Variants in CAP2 observed in about 807,000 individuals in gnomAD.
CAP2 encodes adenylyl cyclase-associated protein 2.
A neutral mutation model predicts 57.7 loss-of-function variants in CAP2; 24 were observed. The ratio of observed to expected loss-of-function variants is 0.42; its 90% CI spans 0.30 to 0.58. CAP2 has a LOEUF of 0.58. Ranked by LOEUF, CAP2 falls within the 20% of genes least tolerant of loss-of-function variation. The pLI is 0.22. For missense variants in CAP2, 501 were observed against 590.3 expected (o/e 0.85, Z 1.57); for synonymous variants, 194 against 207.2 (o/e 0.94, Z 0.55).
intron 3 of CAP2, among the ~76,000 whole-genome samples, chr6:17,452,669 A>G (rs1202632578): frequency 6.6e-6 from 1 of 152,238 alleles, no homozygotes; most frequent in Non-Finnish European, 1.5e-5. Flanking sequence ...TGTAGTTAGT[A>G]TAAGCATCTT....
At position 17,513,070 on chromosome 6, in the gene CAP2, G is replaced by C. The variant is rs899056829; in HGVS notation, c.531-779G>C. On this transcript the variant is annotated intron_variant, in intron 6 of 12. Transcript: ENST00000229922. This position sits in a 1 kb window ranked among gnomAD's most constrained non-coding sequence, Gnocchi z 4.3. The stretch of plus-strand genomic sequence containing the variant: ...AAATATATTATAGGTAAAAATTGCC[G>C]AAAGGAAATGCAACTATTTTTACCT... 6.6e-6 allele frequency among the ~76,000 whole-genome samples: 1 copy of C among 152,062 alleles called. No homozygotes were observed. The highest frequency in any genetic ancestry group is 1.9e-4 in the East Asian group (1 of 5,186).
intron 1 of CAP2, among the ~76,000 whole-genome samples, chr6:17,416,426 TATACCTCCTGGCTCAG>T (rs1759277320): frequency 6.6e-6 from 1 of 152,176 alleles, no homozygotes; most frequent in Non-Finnish European, 1.5e-5. Context: ...CTGTGTATAG[TATACCTCCTGGCTCAG>T]ATGCAAATAG....
At chr6:17,541,409 A>G (rs1051563413) in intron 9 of CAP2, among the ~76,000 whole-genome samples, 3 of 151,880 alleles carry the variant, frequency 2.0e-5, no homozygotes, top group Non-Finnish European at 2.9e-5. Context: ...GTGAAACCCT[A>G]TCTCTACTAA....
At chr6:17,453,918 T>TC (rs1760480378) in intron 3 of CAP2, among the ~76,000 whole-genome samples, 1 of 149,382 alleles carries the variant, frequency 6.7e-6, no homozygotes, top group South Asian at 2.1e-4. Flanking sequence ...TTTTTTTTTT[T>TC]TCCTTGCCCA....
chr6:17,401,911 A>G (rs1053022983), intron 1 of CAP2, among the ~76,000 whole-genome samples: 8 of 152,214 alleles, frequency 5.3e-5, no homozygotes, highest in Non-Finnish European at 8.8e-5. Context: ...GAAGGTGGAC[A>G]ATTATCAATT....
chr6:17,479,066 A>T (rs1761223572), intron 4 of CAP2, among the ~76,000 whole-genome samples: 1 of 152,112 alleles, frequency 6.6e-6, no homozygotes, highest in Non-Finnish European at 1.5e-5. Context: ...TGTCAGTTTC[A>T]TCCGTTCCCA....
chr6:17,550,488 G>C (rs972647723), intron 11 of CAP2, among the ~76,000 whole-genome samples: 2 of 130,496 alleles, frequency 1.5e-5, no homozygotes, highest in Non-Finnish European at 1.5e-5. Context: ...CAGAGAACTA[G>C]AGTGACCTGG....
intron 7 of CAP2, among the ~76,000 whole-genome samples, chr6:17,532,694 G>A (rs1296138757): frequency 6.7e-6 from 1 of 150,136 alleles, no homozygotes; most frequent in African/African-American, 2.5e-5. Flanking sequence ...GTTGCAGTGA[G>A]CTGAGATCAC....
chr6:17,471,167 G>A (rs1023787270), intron 4 of CAP2, among the ~76,000 whole-genome samples: 2 of 152,200 alleles, frequency 1.3e-5, no homozygotes, highest in Non-Finnish European at 2.9e-5. Context: ...AAAAGCAAAC[G>A]AAGGAACACA....
rs554654258 is a variant in CAP2, at chr6:17,472,179, A to C, written c.300+9106A>C. On this transcript the variant is annotated intron_variant, in intron 4 of 12. Coordinates refer to ENST00000229922, the MANE Select transcript of CAP2 (RefSeq NM_006366.3). ...GAAACCCCGTCTCTACTAAAAATAC[A>C]AAAAATTAGCCGGGCGTAGTGGCGG... Among the ~76,000 whole-genome samples, 146 of 80,608 alleles carry C rather than the reference A, an allele frequency of 1.8e-3. 53 individuals are homozygous for C. Among genetic ancestry groups the C allele is most frequent in the Admixed American group, 3.6e-3 (32 of 8,886 alleles). 52.9% of individuals were successfully genotyped at this position (80,608 alleles called of 152,430 possible).
intron 12 of CAP2, among the ~76,000 whole-genome samples, chr6:17,552,932 A>T (rs1206784222): frequency 6.7e-6 from 1 of 148,478 alleles, no homozygotes; most frequent in South Asian, 2.1e-4. Flanking sequence ...ATTTCAGTTT[A>T]AAAAAACAAA....
rs376763640 is a variant in CAP2, at chr6:17,463,101, G to T, written c.300+28G>T. 2.0e-6 allele frequency: 3 copies of T among 1,507,552 alleles called. No individual in the cohort carries two copies. In the Admixed American group the frequency reaches 5.0e-5, roughly 25 times the overall value. 93.4% of individuals were successfully genotyped at this position (1,507,552 alleles called of 1,614,324 possible). ...AAGAGAGTGTCCTGAGAGGGAAGGT[G>T]TCCCAGGGTATGCGCAGTGTAAGAT... On this transcript the variant is annotated intron_variant, in intron 4 of 12. Transcript: ENST00000229922.
At chr6:17,458,761 A>AAGAG in intron 3 of CAP2, among the ~76,000 whole-genome samples, 1 of 152,270 alleles carries the variant, frequency 6.6e-6, no homozygotes, top group East Asian at 1.9e-4. Context: ...AGAGAGATAG[A>AAGAG]AACTGCCCAT....
Position 17,531,480 on chromosome 6 carries a change from C to T in CAP2, c.637-7789C>T, listed in dbSNP as rs986262204. ...CTATATTCCTTGTGATAGTGCTTCG[C>T]TTTTTCATAGATAAGCTTCTTCCTT... is the stretch of plus-strand genomic sequence containing the variant. On this transcript the variant is annotated intron_variant, in intron 7 of 12. Transcript: ENST00000229922. The T allele has an allele frequency of 5.3e-6, 8 of 1,498,374 alleles. No homozygotes were observed. In the African/African-American group the frequency reaches 1.1e-4, roughly 21 times the overall value. 92.8% of individuals were successfully genotyped at this position (1,498,374 alleles called of 1,614,324 possible).
intron 4 of CAP2, among the ~76,000 whole-genome samples, chr6:17,499,398 C>CAAAAAAA (rs71002217): frequency 4.6e-4 from 32 of 69,536 alleles, no homozygotes; most frequent in African/African-American, 1.6e-3. Context: ...GACTCCATCT[C>CAAAAAAA]AAAAAAAAAA....
chr6:17,487,775 T>A (rs1411395761), intron 4 of CAP2, among the ~76,000 whole-genome samples: 1 of 151,870 alleles, frequency 6.6e-6, no homozygotes, highest in African/African-American at 2.4e-5. Context: ...CTGGCCCAGT[T>A]TTTTTTGTTT....
intron 7 of CAP2, among the ~76,000 whole-genome samples, chr6:17,535,923 C>T (rs1762762209): frequency 6.6e-6 from 1 of 151,442 alleles, no homozygotes; most frequent in African/African-American, 2.4e-5. Flanking sequence ...GCCTAGTCGT[C>T]TTTGGAATTT....
At chr6:17,435,865 A>T (rs1437909521) in intron 3 of CAP2, among the ~76,000 whole-genome samples, 1 of 152,028 alleles carries the variant, frequency 6.6e-6, no homozygotes, top group African/African-American at 2.4e-5. Context: ...CTGTTGCTGG[A>T]CATTGGGTTG....
At chr6:17,443,925 T>A (rs1286168705) in intron 3 of CAP2, among the ~76,000 whole-genome samples, 3 of 152,228 alleles carry the variant, frequency 2.0e-5, no homozygotes, top group Non-Finnish European at 4.4e-5. Context: ...AAATATAAGA[T>A]GTTTTAGTGA....
Sources: gnomAD v4.1 joint callset for allele counts (sites outside exome capture counted in the v4.1 genomes callset) on GRCh38, gnomAD v4.1.1 for gene constraint, Gnocchi (gnomAD v3.1) non-coding constraint, MANE v1.5 for transcripts, NCBI Gene and HGNC (gene_info 2026-07-23, HGNC 2026-07-21) for gene names.